MAML3: variants seen among roughly 807,000 people sequenced by gnomAD.
MAML3 encodes mastermind-like protein 3.
Under a neutral mutation model 101.9 loss-of-function variants are expected in MAML3, and 27 were observed. The ratio of observed to expected loss-of-function variants is 0.27; its 90% CI spans 0.20 to 0.37. The LOEUF (loss-of-function observed/expected upper bound fraction) is 0.37, where lower values mean the gene tolerates loss of function less well. Among genes scored for constraint, MAML3 ranks in the 10% least tolerant of loss-of-function variants. The pLI, the probability that MAML3 is intolerant of heterozygous loss-of-function variation, is 1.00. For synonymous variants in MAML3, 501 were observed against 555.9 expected, an observed-to-expected ratio of 0.90 and a Z score of 1.39; for missense variants, 1,316 against 1,444.9, an observed-to-expected ratio of 0.91 and a Z score of 1.45.
intron 2 of MAML3, among the ~76,000 whole-genome samples, chr4:139,861,615 A>G (rs1189602872): frequency 6.6e-6 from 1 of 152,098 alleles, no homozygotes; most frequent in East Asian, 1.9e-4. Context: ...CCTGAAATGG[A>G]AAGTTGGCAA....
intron 1 of MAML3, among the ~76,000 whole-genome samples, chr4:140,086,932 G>C (rs1727962904): frequency 6.6e-6 from 1 of 152,196 alleles, no homozygotes; most frequent in African/African-American, 2.4e-5. Context: ...GGGTGAGGTG[G>C]GTGGATCACC....
chr4:139,921,856 G>A (rs1017179521), intron 1 of MAML3, among the ~76,000 whole-genome samples: 4 of 152,168 alleles, frequency 2.6e-5, no homozygotes, highest in Admixed American at 6.5e-5. Flanking sequence ...GCATTGCTGC[G>A]GCTCACTGCA....
chr4:140,032,290 T>C (rs888559107), intron 1 of MAML3, among the ~76,000 whole-genome samples: 29 of 152,316 alleles, frequency 1.9e-4, no homozygotes, highest in African/African-American at 5.5e-4. Context: ...TCACAGTTAG[T>C]GATAAAATTC....
At chr4:139,854,329 G>A (rs577147932) in intron 2 of MAML3, among the ~76,000 whole-genome samples, 2 of 151,794 alleles carry the variant, frequency 1.3e-5, no homozygotes, top group African/African-American at 4.8e-5. Context: ...GGCCAGAGAG[G>A]TGTAGTGACT....
chr4:140,110,154 T>G (rs992864555), intron 1 of MAML3, among the ~76,000 whole-genome samples: 18 of 152,222 alleles, frequency 1.2e-4, no homozygotes, highest in African/African-American at 3.9e-4. Context: ...AGTTCAGCGA[T>G]GATCATCTCA....
At chr4:139,799,138 C>T (rs1264818211) in intron 2 of MAML3, among the ~76,000 whole-genome samples, 2 of 152,154 alleles carry the variant, frequency 1.3e-5, no homozygotes, top group Non-Finnish European at 2.9e-5. Flanking sequence ...AACCTCTGGT[C>T]CTCTATGTTC....
At chr4:139,859,578 A>G (rs1176167734) in intron 2 of MAML3, among the ~76,000 whole-genome samples, 1 of 152,196 alleles carries the variant, frequency 6.6e-6, no homozygotes, top group Non-Finnish European at 1.5e-5. Context: ...TGTGATAAAG[A>G]ACACTGAAAA....
chr4:139,844,974 C>CTCTT (rs2111149015), intron 2 of MAML3, among the ~76,000 whole-genome samples: 1 of 152,292 alleles, frequency 6.6e-6, no homozygotes, highest in East Asian at 1.9e-4. Flanking sequence ...CTTTCTATTT[C>CTCTT]TCTTTCTCTC....
intron 3 of MAML3, among the ~76,000 whole-genome samples, chr4:139,727,685 C>T (rs542432058): frequency 7.9e-5 from 12 of 152,324 alleles, no homozygotes; most frequent in South Asian, 2.1e-4. Flanking sequence ...TTGGAGAATA[C>T]GGCATTAAAT....
intron 2 of MAML3, among the ~76,000 whole-genome samples, chr4:139,822,103 C>T (rs1487099174): frequency 1.3e-5 from 2 of 152,080 alleles, no homozygotes; most frequent in Non-Finnish European, 1.5e-5. Context: ...CCATCATGAG[C>T]ATCAGGATCA....
chr4:139,989,528 C>G (rs1322636649), intron 1 of MAML3, among the ~76,000 whole-genome samples: 1 of 152,082 alleles, frequency 6.6e-6, no homozygotes, highest in African/African-American at 2.4e-5. Context: ...GCTCAGCCAT[C>G]TTCAGTGTGG....
intron 2 of MAML3, among the ~76,000 whole-genome samples, chr4:139,769,916 C>CTTTTTTTTTTT (rs139445743): frequency 4.5e-5 from 6 of 132,294 alleles, no homozygotes; most frequent in African/African-American, 1.7e-4. Context: ...CGCCCAGCCT[C>CTTTTTTTTTTT]TTTTTTTTTT....
chr4:139,851,485 A>G (rs1731549161), intron 2 of MAML3, among the ~76,000 whole-genome samples: 1 of 152,210 alleles, frequency 6.6e-6, no homozygotes, highest in Admixed American at 6.5e-5. Context: ...CAGCAACCAA[A>G]TTGTCTTAGA....
intron 1 of MAML3, among the ~76,000 whole-genome samples, chr4:140,086,037 C>G (rs1039070629): frequency 6.6e-6 from 1 of 152,148 alleles, no homozygotes; most frequent in Admixed American, 6.5e-5. Flanking sequence ...TCCATTTCAC[C>G]GTGATGTTTT....
intron 2 of MAML3, among the ~76,000 whole-genome samples, chr4:139,790,494 G>C (rs1214102134): frequency 6.6e-6 from 1 of 151,596 alleles, no homozygotes; most frequent in African/African-American, 2.4e-5. Flanking sequence ...ATCCATTTCA[G>C]GGAATTTTTC....
In MAML3 at chr4:140,126,762, C is replaced by T. The variant is rs1050112058; in HGVS notation, c.468+26098G>A. ...ATGGACCATAAATACACCCATTAAACGTCGCATGTCCAAAACCAAACATCT... is the reference window on the plus strand; with the variant it reads ...ATGGACCATAAATACACCCATTAAATGTCGCATGTCCAAAACCAAACATCT... On this transcript the variant is annotated intron_variant, in intron 1 of 4. Coordinates refer to ENST00000509479, the MANE Select transcript of MAML3 (RefSeq NM_018717.5). Among the ~76,000 whole-genome samples the T allele has an allele frequency of 1.2e-4, 19 of 152,282 alleles. 1 individual carries two copies. The South Asian group carries it at 3.1e-3, about 25-fold the overall frequency.
At chr4:139,899,831 CA>C (rs1209494751) in intron 1 of MAML3, among the ~76,000 whole-genome samples, 1 of 152,068 alleles carries the variant, frequency 6.6e-6, no homozygotes, top group Non-Finnish European at 1.5e-5. Flanking sequence ...CCATAAGAGC[CA>C]AGTGTTTAAA....
intron 1 of MAML3, among the ~76,000 whole-genome samples, chr4:140,013,043 G>A (rs1034712609): frequency 2.6e-5 from 4 of 152,094 alleles, no homozygotes; most frequent in African/African-American, 9.7e-5. Flanking sequence ...TGAAAGACAA[G>A]TCCAAATAGG....
intron 2 of MAML3, among the ~76,000 whole-genome samples, chr4:139,848,684 T>C (rs1442567671): frequency 6.6e-6 from 1 of 152,216 alleles, no homozygotes; most frequent in Non-Finnish European, 1.5e-5. Context: ...GATATGCACT[T>C]ACGTCTTATA....
Sources: allele counts gnomAD v4.1 joint callset (sites outside exome capture counted in the v4.1 genomes callset), GRCh38; gene constraint gnomAD v4.1.1; transcripts MANE v1.5; gene names NCBI Gene and HGNC (gene_info 2026-07-23, HGNC 2026-07-21).